Variants in FGD1 observed in about 807,000 individuals in gnomAD.
FGD1 encodes FYVE, RhoGEF and PH domain containing 1, also known as FYVE, RhoGEF and PH domain-containing protein 1.
In FGD1, 12 loss-of-function variants were observed where a neutral mutation model predicts 65.0. The ratio of observed to expected loss-of-function variants is 0.18; its 90% CI spans 0.12 to 0.30. The LOEUF (loss-of-function observed/expected upper bound fraction) is 0.30. Ranked by LOEUF, FGD1 falls within the 10% of genes least tolerant of loss-of-function variation. FGD1 has a pLI of 1.00. For missense variants in FGD1, 542 were observed against 837.6 expected (o/e 0.65, Z 4.36); for synonymous variants, 333 against 343.9 (o/e 0.97, Z 0.35).
intron 1 of FGD1, among the ~76,000 whole-genome samples, chrX:54,491,044 TTAA>T (rs1470140179): frequency 1.8e-5 from 2 of 111,016 alleles, no homozygotes; most frequent in African/African-American, 6.6e-5. Flanking sequence ...GTCATTCTCG[TTAA>T]TAAACCCTTC....
intron 1 of FGD1, among the ~76,000 whole-genome samples, chrX:54,490,399 T>C (rs1041428756): frequency 9.8e-5 from 11 of 111,755 alleles, no homozygotes; most frequent in African/African-American, 3.6e-4. Context: ...GTCATTAAAA[T>C]GTTGTTCAAA....
intron 8 of FGD1, among the ~76,000 whole-genome samples, chrX:54,462,389 C>CT (rs1158349272): frequency 0.029 from 2,322 of 79,480 alleles, 121 homozygotes; most frequent in African/African-American, 0.089. Flanking sequence ...ACTTCCCATT[C>CT]TTTTTTTTTT....
chrX:54,454,661 A>AAG (rs1225644716), intron 12 of FGD1, among the ~76,000 whole-genome samples: 2 of 109,094 alleles, frequency 1.8e-5, no homozygotes, highest in African/African-American at 6.7e-5. Flanking sequence ...AAAAAAAAAA[A>AAG]AAAGAAAAGG....
chrX:54,482,447 A>G (rs774054279), intron 1 of FGD1, among the ~76,000 whole-genome samples: 108 of 112,215 alleles, frequency 9.6e-4, no homozygotes, highest in African/African-American at 3.4e-3. Context: ...TGGGGACTTC[A>G]GAGGACAGGA....
Position 54,470,349 on chromosome X carries a change from G to A in FGD1, c.768C>T (p.Leu256=), listed in dbSNP as rs865777513. ...QPTSQPPVPQ[L]PEGEASRCLF... Reference sequence around the variant, plus strand: ...GGCAGCGGGAGGCCTCACCCTCGGGGAGCTGGGGCACTGGTGGCTGCGAGG... The same window carrying A: ...GGCAGCGGGAGGCCTCACCCTCGGGAAGCTGGGGCACTGGTGGCTGCGAGG... Residue 256 remains leucine (L), a synonymous_variant, in exon 4 of 18, where the codon CTC becomes CTT. Transcript: ENST00000375135. 8.3e-7 allele frequency: 1 copy of A among 1,209,651 alleles called. No homozygotes were observed. Among genetic ancestry groups the A allele is most frequent in the Non-Finnish European group, 1.1e-6 (1 of 894,459 alleles).
At chrX:54,458,445 G>A (rs187908407) in intron 8 of FGD1, among the ~76,000 whole-genome samples, 1 of 106,823 alleles carries the variant, frequency 9.4e-6, no homozygotes, top group African/African-American at 3.4e-5. Flanking sequence ...GGAGGCTGAA[G>A]CAGGAGAATC....
intron 12 of FGD1, 119 bp downstream of exon 12, chrX:54,455,329 A>G (rs1922473640): frequency 3.4e-6 from 2 of 580,510 alleles, no homozygotes; most frequent in Admixed American, 2.6e-5. Flanking sequence ...GCAAGCCTGC[A>G]TCTTTGGGGA....
At chrX:54,451,255 T>C (rs1043682145) in intron 12 of FGD1, among the ~76,000 whole-genome samples, 12 of 110,238 alleles carry the variant, frequency 1.1e-4, no homozygotes. Context: ...CTGTCTGCCC[T>C]GCACTGCACT....
chrX:54,482,731 G>C (rs968147989), intron 1 of FGD1, among the ~76,000 whole-genome samples: 1 of 111,603 alleles, frequency 9.0e-6, no homozygotes, highest in Non-Finnish European at 1.9e-5. Flanking sequence ...AACACAAGGA[G>C]GGAGAGGACA....
chrX:54,448,739 G>A, intron 16 of FGD1, 67 bp downstream of exon 16: 1 of 1,126,173 alleles, frequency 8.9e-7, no homozygotes, highest in Non-Finnish European at 1.2e-6. Context: ...GGCCTCCTCA[G>A]TCTCACTGGG....
chrX:54,494,428 C>T (rs867221053), intron 1 of FGD1, among the ~76,000 whole-genome samples: 14 of 53,347 alleles, frequency 2.6e-4, no homozygotes, highest in African/African-American at 9.7e-4. Flanking sequence ...TTTTTTTTTT[C>T]CGCTCATACT....
chrX:54,449,854 T>C (rs191379839), intron 13 of FGD1, 94 bp from the exon 14 acceptor site: 36 of 644,606 alleles, frequency 5.6e-5, no homozygotes, highest in Non-Finnish European at 9.1e-5. Flanking sequence ...AGCCTGAAGT[T>C]AGAAAAGCTG....
chrX:54,448,478 G>A (rs970400228), intron 16 of FGD1, among the ~76,000 whole-genome samples: 3 of 111,999 alleles, frequency 2.7e-5, no homozygotes, highest in African/African-American at 9.7e-5. Context: ...GAGCCACTGT[G>A]CCCAGCCAAT....
chrX:54,455,590 C>T (rs1239271087), intron 11 of FGD1, 63 bp from the exon 12 acceptor site: 1 of 1,063,038 alleles, frequency 9.4e-7, no homozygotes, highest in Non-Finnish European at 1.3e-6. Context: ...TAGCCCTCTG[C>T]ACACATACAC....
chrX:54,454,407 T>C (rs1922447113), intron 12 of FGD1, among the ~76,000 whole-genome samples: 1 of 111,866 alleles, frequency 8.9e-6, no homozygotes, highest in South Asian at 3.7e-4. Context: ...CCCAGCACTT[T>C]GGGAGGCCAA....
intron 5 of FGD1, 121 bp downstream of exon 5, chrX:54,468,666 G>A (rs1215882590): frequency 1.9e-6 from 1 of 518,841 alleles, no homozygotes; most frequent in African/African-American, 2.3e-5. Flanking sequence ...AGGTCAGAGA[G>A]GAGCCTTACT....
chrX:54,459,061 T>G (rs2147428872), intron 8 of FGD1, among the ~76,000 whole-genome samples: 1 of 110,766 alleles, frequency 9.0e-6, no homozygotes, highest in East Asian at 2.9e-4. Flanking sequence ...CTCCTACACA[T>G]CCTACATCTC....
In FGD1 at chrX:54,445,639, G is replaced by C. The variant is rs1027902117; in HGVS notation, c.*470C>G. The C allele has an allele frequency of 8.4e-6, 1 of 118,452 alleles. No individual in the cohort carries two copies. Among genetic ancestry groups the C allele is most frequent in the African/African-American group, 3.2e-5 (1 of 30,837 alleles). The allele number at this position is 118,452 out of a possible 1,213,427, so 9.8% of individuals were successfully genotyped here. A position where few individuals can be genotyped will look rare whatever the true frequency, so the allele number is the denominator to read the frequency against. On this transcript the variant is annotated 3_prime_UTR_variant, in exon 18 of 18. Transcript: ENST00000375135. ...CGGGTAGAAGCTGTAAGCCATGGGA[G>C]AGGCAGGAGAGGTCTAGTTGCCACC... is the stretch of plus-strand genomic sequence containing the variant.
At chrX:54,482,081 C>T (rs1569541396) in intron 1 of FGD1, among the ~76,000 whole-genome samples, 1 of 111,533 alleles carries the variant, frequency 9.0e-6, no homozygotes, top group Non-Finnish European at 1.9e-5. Flanking sequence ...TACAACCAGG[C>T]ACAGAGGAGC....
Sources: allele counts gnomAD v4.1 joint callset (sites outside exome capture counted in the v4.1 genomes callset), GRCh38; gene constraint gnomAD v4.1.1; transcripts MANE v1.5; gene names NCBI Gene and HGNC (gene_info 2026-07-23, HGNC 2026-07-21).